Variants in SLC4A8 observed in about 807,000 individuals in gnomAD.
The protein encoded by SLC4A8 is solute carrier family 4 member 8, also known as electroneutral sodium bicarbonate exchanger 1.
In SLC4A8, 40 loss-of-function variants were observed where a neutral mutation model predicts 125.0. The ratio of observed to expected loss-of-function variants is 0.32; its 90% CI spans 0.25 to 0.42. SLC4A8 has a LOEUF of 0.42. Among genes scored for constraint, SLC4A8 ranks in the 10% least tolerant of loss-of-function variants. The probability of loss-of-function intolerance (pLI) is 1.00; values close to 1 mark genes in which losing one functional copy is unlikely to be tolerated. For missense variants in SLC4A8, 863 were observed against 1,355.1 expected (o/e 0.64, Z 5.70); for synonymous variants, 456 against 476.0 (o/e 0.96, Z 0.55).
intron 1 of SLC4A8, among the ~76,000 whole-genome samples, chr12:51,416,636 C>CT (rs1467776529): frequency 6.6e-6 from 1 of 151,050 alleles, no homozygotes; most frequent in Non-Finnish European, 1.5e-5. Context: ...GAGTGAGACT[C>CT]TGTCTCAAAA....
chr12:51,437,194 C>T (rs1378436916), intron 1 of SLC4A8, among the ~76,000 whole-genome samples: 2 of 152,094 alleles, frequency 1.3e-5, no homozygotes, highest in Non-Finnish European at 2.9e-5. Flanking sequence ...TTCAATCTTC[C>T]CATTGGGAAA....
chr12:51,481,289 C>T lies in SLC4A8; in HGVS notation c.2173-4498C>T, dbSNP rs181801078. On this transcript the variant is annotated intron_variant, in intron 16 of 24. Coordinates refer to ENST00000453097, the MANE Select transcript of SLC4A8 (RefSeq NM_001039960.3). ...TCTTTGTAATCATCTCATTTTTTTT[C>T]CACTCTTGAAACTCACAACTTTCCA... Among the ~76,000 whole-genome samples, 623 of 151,836 alleles carry T rather than the reference C, an allele frequency of 4.1e-3. 6 individuals carry two copies. Among genetic ancestry groups the T allele is most frequent in the African/African-American group, 0.014 (580 of 41,440 alleles).
chr12:51,410,634 A>G (rs1212595385), intron 1 of SLC4A8, among the ~76,000 whole-genome samples: 4 of 151,770 alleles, frequency 2.6e-5, no homozygotes, highest in Admixed American at 2.0e-4. Context: ...ATTTTTTTAT[A>G]TTTTTAGTAG....
intron 14 of SLC4A8, among the ~76,000 whole-genome samples, chr12:51,473,481 T>C (rs1950766331): frequency 2.0e-5 from 3 of 152,244 alleles, no homozygotes; most frequent in African/African-American, 7.2e-5. Flanking sequence ...CTTTATAGCT[T>C]TCCCTATTAC....
Position 51,450,828 on chromosome 12 carries a change from T to G in SLC4A8, c.131-48T>G, listed in dbSNP as rs533541756. The G allele has an allele frequency of 2.3e-5, 37 of 1,604,546 alleles. No homozygotes were observed. The South Asian group carries it at 3.8e-4, about 16-fold the overall frequency. On this transcript the variant is annotated intron_variant, in intron 2 of 24. Transcript: ENST00000453097. ...TGCTAGGCTTTTTGTTGTTGTTGTT[T>G]TTTAAAACTAAAGGAGTTCTCTCCA...
intron 20 of SLC4A8, chr12:51,494,303 A>T (rs1179483888): frequency 6.5e-6 from 1 of 153,102 alleles, no homozygotes; most frequent in Non-Finnish European, 1.5e-5. Flanking sequence ...GTCTTTCAAA[A>T]AGAAAAATCA....
intron 2 of SLC4A8, among the ~76,000 whole-genome samples, chr12:51,443,631 T>A (rs894908992): frequency 6.6e-6 from 1 of 152,044 alleles, no homozygotes; most frequent in South Asian, 2.1e-4. Flanking sequence ...AACTCTGGAG[T>A]GAGTTTAAGG....
chr12:51,500,409 A>G (rs559972917), intron 22 of SLC4A8, among the ~76,000 whole-genome samples: 2 of 152,124 alleles, frequency 1.3e-5, no homozygotes, highest in South Asian at 2.1e-4. Context: ...TAGTTTTCAT[A>G]TAACTATGAT....
chr12:51,440,721 A>G lies in SLC4A8; in HGVS notation c.62A>G (p.Glu21Gly). Residue 21 changes from glutamate (E) to glycine (G), a missense_variant, in exon 2 of 25, where the codon GAA (glutamate) becomes GGA (glycine). Physicochemically the swap from Glu to Gly is moderately conservative, Grantham distance 98. Around this residue, in one of 6 missense-constraint regions of SLC4A8, gnomAD observed 104 missense variants for 116.4 expected, o/e 0.89. Transcript: ENST00000453097. ...GVLSYQRPDE[E>G]AVVDQGGTST... ...GTGTTTAAACAGAGACCAGATGAAG[A>G]AGCTGTGGTGGATCAGGGTGGGACC... 6.2e-7 allele frequency: 1 copy of G among 1,611,146 alleles called. No homozygotes were observed. Among genetic ancestry groups the G allele is most frequent in the Non-Finnish European group, 8.5e-7 (1 of 1,179,084 alleles).
At chr12:51,462,197 C>T (rs2138247109) in intron 9 of SLC4A8, 113 bp from the exon 10 acceptor site, 9 of 974,824 alleles carry the variant, frequency 9.2e-6, no homozygotes, top group Non-Finnish European at 1.5e-5. Context: ...ATCTCAGATC[C>T]CCGTGACAGA....
At chr12:51,416,879 C>T (rs750420443) in intron 1 of SLC4A8, among the ~76,000 whole-genome samples, 2 of 152,176 alleles carry the variant, frequency 1.3e-5, no homozygotes, top group Admixed American at 6.5e-5. Flanking sequence ...AATCCCAGCA[C>T]ATTGGGAGGC....
At chr12:51,432,146 C>T (rs945633332) in intron 1 of SLC4A8, among the ~76,000 whole-genome samples, 7 of 152,110 alleles carry the variant, frequency 4.6e-5, no homozygotes, top group South Asian at 2.1e-4. Context: ...CGGTGGCTCA[C>T]GCCTGTAATC....
At chr12:51,435,496 G>T (rs529379045) in intron 1 of SLC4A8, among the ~76,000 whole-genome samples, 1 of 152,074 alleles carries the variant, frequency 6.6e-6, no homozygotes, top group South Asian at 2.1e-4. Flanking sequence ...GGTGGCTCGC[G>T]CCTGTAATCC....
chr12:51,432,421 A>C (rs1949222586), intron 1 of SLC4A8, among the ~76,000 whole-genome samples: 1 of 144,574 alleles, frequency 6.9e-6, no homozygotes, highest in Non-Finnish European at 1.5e-5. Flanking sequence ...AAAAAAAAAA[A>C]AAAAAAAGAA....
Position 51,436,426 on chromosome 12 carries a change from T to C in SLC4A8, c.49-4282T>C, listed in dbSNP as rs1177053302. Among the ~76,000 whole-genome samples the C allele has an allele frequency of 2.0e-5, 3 of 152,230 alleles. No individual in the cohort carries two copies. In the East Asian group the frequency reaches 5.8e-4, roughly 29 times the overall value. On this transcript the variant is annotated intron_variant, in intron 1 of 24. Coordinates refer to ENST00000453097, the MANE Select transcript of SLC4A8 (RefSeq NM_001039960.3). ...CATCAATTTGACCTTTGTTTTCATTTTGTTTTTGATTTTGGGGAATTACTT... is the reference window on the plus strand; with the variant it reads ...CATCAATTTGACCTTTGTTTTCATTCTGTTTTTGATTTTGGGGAATTACTT...
At chr12:51,423,863 G>A (rs1324799678), upstream of SLC4A8, among the ~76,000 whole-genome samples, 3 of 151,708 alleles carry the variant, frequency 2.0e-5, no homozygotes, top group Admixed American at 6.6e-5. Context: ...GTGAAACCCC[G>A]TCTCTACTAC....
chr12:51,426,506 G>A (rs527931104), intron 1 of SLC4A8, among the ~76,000 whole-genome samples: 2 of 152,324 alleles, frequency 1.3e-5, no homozygotes, highest in African/African-American at 4.8e-5. Flanking sequence ...GTGTATAACA[G>A]TGGTTCCAGA....
chr12:51,427,962 A>G (rs1249825816), intron 1 of SLC4A8, among the ~76,000 whole-genome samples: 1 of 152,198 alleles, frequency 6.6e-6, no homozygotes, highest in South Asian at 2.1e-4. Flanking sequence ...CAAACTCTTT[A>G]TCATGGCCTA....
chr12:51,405,722 A>C (rs12315229), intron 1 of SLC4A8, among the ~76,000 whole-genome samples: 3,651 of 152,292 alleles, frequency 0.024, 153 homozygotes, highest in African/African-American at 0.081. Context: ...TCTTAGGATA[A>C]ACTTCTAGAA....
Sources: allele counts gnomAD v4.1 joint callset (sites outside exome capture counted in the v4.1 genomes callset), GRCh38; gene constraint gnomAD v4.1.1; regional missense constraint gnomAD v4.1.1; transcripts MANE v1.5; gene names NCBI Gene and HGNC (gene_info 2026-07-23, HGNC 2026-07-21).